MYH11: variants seen among roughly 807,000 people sequenced by gnomAD.
The protein encoded by MYH11 is myosin-11.
A neutral mutation model predicts 246.6 loss-of-function variants in MYH11; 80 were observed. The observed-to-expected ratio is 0.32, with a 90% CI of 0.27 to 0.39. The LOEUF is 0.39. MYH11 is among the 10% of genes least tolerant of loss of function. MYH11 has a pLI of 1.00. For missense variants in MYH11, 2,158 were observed against 2,546.8 expected (o/e 0.85, Z 3.29); for synonymous variants, 1,071 against 1,015.5 (o/e 1.05, Z -1.04).
At chr16:15,780,602 C>T (rs1423599893) in intron 6 of MYH11, among the ~76,000 whole-genome samples, 9 of 149,518 alleles carry the variant, frequency 6.0e-5, no homozygotes, top group Non-Finnish European at 1.3e-4. Context: ...CCCACCTCAG[C>T]CTCCCGAGTA....
At chr16:15,810,613 T>C (rs1165508154) in intron 3 of MYH11, among the ~76,000 whole-genome samples, 1 of 152,154 alleles carries the variant, frequency 6.6e-6, no homozygotes, top group African/African-American at 2.4e-5. Flanking sequence ...CATTTGGCTG[T>C]ACCCCTTCCT....
At chr16:15,836,756 C>T (rs2043908745) in intron 2 of MYH11, among the ~76,000 whole-genome samples, 1 of 127,430 alleles carries the variant, frequency 7.8e-6, no homozygotes, top group Non-Finnish European at 1.6e-5. Flanking sequence ...TGGAGTTTCG[C>T]TCTTATTGCC....
chr16:15,766,488 C>T (rs1313160344), intron 9 of MYH11, among the ~76,000 whole-genome samples: 4 of 152,072 alleles, frequency 2.6e-5, no homozygotes, highest in Non-Finnish European at 5.9e-5. Context: ...TCTCCTGCCT[C>T]AGCCTCCAGA....
intron 25 of MYH11, 117 bp downstream of exon 25, chr16:15,737,332 G>A: frequency 7.2e-7 from 1 of 1,397,560 alleles, no homozygotes; most frequent in Non-Finnish European, 9.9e-7. Context: ...GGGAAACGAA[G>A]TTCATGCCAA....
chr16:15,735,332 GA>G (rs1251538066), intron 26 of MYH11, 33 bp downstream of exon 26: 1 of 1,609,100 alleles, frequency 6.2e-7, no homozygotes, highest in Non-Finnish European at 8.5e-7. Context: ...GGTGCAGTGG[GA>G]TAGCAGGATG....
At chr16:15,794,725 C>T in intron 4 of MYH11, among the ~76,000 whole-genome samples, 1 of 152,070 alleles carries the variant, frequency 6.6e-6, no homozygotes, top group Middle Eastern at 3.2e-3. Context: ...TTGAAAGTTA[C>T]AAGAGAGCCC....
At chr16:15,718,650 G>A in intron 36 of MYH11, 1 of 667,314 alleles carries the variant, frequency 1.5e-6, no homozygotes, top group Non-Finnish European at 2.5e-6. Context: ...GCTGGGATTG[G>A]GATGGGGACC....
chr16:15,838,160 G>C lies in MYH11; in HGVS notation c.93C>G (p.Ala31=), dbSNP rs754808294. ...AGGGGACCCAGACGAGTCTCTTGGC[G>C]GCCCAGTCAGCCTGGGCCACTGGGC... The part of the protein sequence containing the change: ...INSPVAQADW[A]AKRLVWVPSE... Residue 31 remains alanine, a synonymous_variant, in exon 2 of 41, where the codon GCC becomes GCG. Coordinates refer to ENST00000300036, the MANE Select transcript of MYH11 (RefSeq NM_002474.3). 1.2e-6 allele frequency: 2 copies of C among 1,613,974 alleles called. No homozygotes were observed. The highest frequency in any genetic ancestry group is 1.7e-6 in the Non-Finnish European group (2 of 1,180,006).
chr16:15,710,675 G>A (rs565933036), intron 40 of MYH11, among the ~76,000 whole-genome samples: 17 of 151,618 alleles, frequency 1.1e-4, no homozygotes, highest in African/African-American at 4.1e-4. Flanking sequence ...ACATCTGAGG[G>A]TTTTTGTTTT....
At chr16:15,792,425 T>C (rs918020503) in intron 4 of MYH11, 4 of 152,230 alleles carry the variant, frequency 2.6e-5, no homozygotes, top group African/African-American at 9.7e-5. Context: ...ATTCATCCTA[T>C]CATTACAATA....
chr16:15,810,207 G>A (rs1042672369), intron 3 of MYH11, among the ~76,000 whole-genome samples: 1 of 151,438 alleles, frequency 6.6e-6, no homozygotes, highest in Admixed American at 6.6e-5. Flanking sequence ...CTAATTTTTT[G>A]TATTTTTAGT....
chr16:15,721,288 C>G, intron 32 of MYH11, 134 bp downstream of exon 32: 1 of 1,136,232 alleles, frequency 8.8e-7, no homozygotes, highest in South Asian at 1.3e-5. Context: ...CTGCACCAGT[C>G]CAAAAACCTC....
At chr16:15,748,488 C>G (rs2041480018) in intron 16 of MYH11, among the ~76,000 whole-genome samples, 1 of 152,138 alleles carries the variant, frequency 6.6e-6, no homozygotes, top group Non-Finnish European at 1.5e-5. Context: ...GCTTCTAGCT[C>G]CCAAATATCT....
At chr16:15,761,563 G>C (rs181673452) in intron 10 of MYH11, among the ~76,000 whole-genome samples, 1 of 152,002 alleles carries the variant, frequency 6.6e-6, no homozygotes, top group African/African-American at 2.4e-5. Flanking sequence ...CAACCTAAAT[G>C]CTCTTCTTTT....
intron 3 of MYH11, among the ~76,000 whole-genome samples, chr16:15,800,947 T>A (rs909852339): frequency 6.6e-6 from 1 of 152,156 alleles, no homozygotes; most frequent in South Asian, 2.1e-4. Flanking sequence ...GGCTCATGCC[T>A]GTAATCTCAC....
intron 4 of MYH11, among the ~76,000 whole-genome samples, chr16:15,795,410 G>A (rs565947798): frequency 6.6e-6 from 1 of 152,176 alleles, no homozygotes. Flanking sequence ...TCAGGAGTTC[G>A]AGACCAGCCT....
At chr16:15,718,618 A>C in intron 36 of MYH11, 180 bp from the exon 37 acceptor site, 1 of 938,108 alleles carries the variant, frequency 1.1e-6, no homozygotes, top group Non-Finnish European at 1.6e-6. Flanking sequence ...GCCGGGACTC[A>C]GGCCGGGTCC....
At position 15,737,640 on chromosome 16, in the gene MYH11, C is replaced by T. The variant is rs1367245955; in HGVS notation, c.3122-20G>A. 3.1e-6 allele frequency: 5 copies of T among 1,609,134 alleles called. No individual in the cohort carries two copies. The South Asian group carries it at 3.3e-5, about 11-fold the overall frequency. On this transcript the variant is annotated intron_variant, in intron 24 of 40. Transcript: ENST00000300036. ...GCCGCACTGCAAAAACCAAGGTGCT[C>T]TTCAGGAAGGGGAGGCCCCAGAGAG...
At chr16:15,820,409 G>A (rs1692729963) in intron 3 of MYH11, among the ~76,000 whole-genome samples, 1 of 151,664 alleles carries the variant, frequency 6.6e-6, no homozygotes, top group African/African-American at 2.4e-5. Context: ...AGGAGGTGGA[G>A]GTTGCAGTGA....
Sources: gnomAD v4.1 joint callset for allele counts (sites outside exome capture counted in the v4.1 genomes callset) on GRCh38, gnomAD v4.1.1 for gene constraint, MANE v1.5 for transcripts, NCBI Gene and HGNC (gene_info 2026-07-23, HGNC 2026-07-21) for gene names.